ITPR1: variants seen among roughly 807,000 people sequenced by gnomAD.
ITPR1 encodes inositol 1,4,5-trisphosphate receptor type 1.
Under a neutral mutation model 318.4 loss-of-function variants are expected in ITPR1, and 96 were observed. The ratio of observed to expected loss-of-function variants is 0.30; its 90% CI spans 0.26 to 0.36. The LOEUF is 0.36. Among genes scored for constraint, ITPR1 ranks in the 10% least tolerant of loss-of-function variants. ITPR1 has a pLI of 1.00. For missense variants in ITPR1, 2,440 were observed against 3,460.2 expected (o/e 0.71, Z 7.40); for synonymous variants, 1,312 against 1,289.9 (o/e 1.02, Z -0.37).
intron 3 of ITPR1, among the ~76,000 whole-genome samples, chr3:4,519,771 C>T (rs1046585449): frequency 7.6e-6 from 1 of 132,054 alleles, no homozygotes; most frequent in Non-Finnish European, 1.7e-5. Context: ...GTACCATGGA[C>T]ACTTTGATTT....
intron 53 of ITPR1, among the ~76,000 whole-genome samples, chr3:4,796,709 G>A (rs931104254): frequency 2.6e-5 from 4 of 152,256 alleles, no homozygotes; most frequent in African/African-American, 9.6e-5. Context: ...CAAGCCTCCT[G>A]CAGTGCCTTT....
chr3:4,769,326 T>C (rs1404598823), intron 46 of ITPR1, among the ~76,000 whole-genome samples: 2 of 152,206 alleles, frequency 1.3e-5, no homozygotes, highest in Non-Finnish European at 2.9e-5. Context: ...CATATATATT[T>C]GTTAAGTGTC....
intron 4 of ITPR1, among the ~76,000 whole-genome samples, chr3:4,583,031 T>C (rs1291904145): frequency 6.6e-6 from 1 of 152,154 alleles, no homozygotes; most frequent in Non-Finnish European, 1.5e-5. Context: ...TCTCCAATAT[T>C]TATTTAAAAT....
At chr3:4,512,047 G>C (rs750992430) in intron 2 of ITPR1, among the ~76,000 whole-genome samples, 48 of 152,150 alleles carry the variant, frequency 3.2e-4, no homozygotes, top group Non-Finnish European at 5.9e-4. Flanking sequence ...GAATGCAGTG[G>C]TATGATCACA....
intron 4 of ITPR1, among the ~76,000 whole-genome samples, chr3:4,566,416 C>A (rs1303850715): frequency 5.3e-5 from 8 of 152,100 alleles, no homozygotes; most frequent in Admixed American, 4.6e-4. Flanking sequence ...TATGAGCAAA[C>A]CTCTATCTGT....
At chr3:4,690,510 A>G (rs903196560) in intron 31 of ITPR1, among the ~76,000 whole-genome samples, 5 of 152,230 alleles carry the variant, frequency 3.3e-5, no homozygotes, top group Non-Finnish European at 5.9e-5. Flanking sequence ...GCAACTTGTT[A>G]ACATCTTTTG....
intron 4 of ITPR1, among the ~76,000 whole-genome samples, chr3:4,569,697 G>A (rs1032560746): frequency 6.6e-6 from 1 of 152,176 alleles, no homozygotes; most frequent in African/African-American, 2.4e-5. Flanking sequence ...TTTTAGAGAT[G>A]TCTTTAAAAG....
intron 4 of ITPR1, among the ~76,000 whole-genome samples, chr3:4,526,224 C>T (rs774133749): frequency 3.9e-5 from 6 of 152,048 alleles, no homozygotes; most frequent in South Asian, 4.2e-4. Flanking sequence ...AAAAGCTGTT[C>T]GAAGGGAAAC....
chr3:4,728,068 C>T (rs1255189563), intron 42 of ITPR1, among the ~76,000 whole-genome samples: 1 of 152,182 alleles, frequency 6.6e-6, no homozygotes, highest in Non-Finnish European at 1.5e-5. Context: ...GCCTGAAGTT[C>T]CTCAAATTAA....
intron 40 of ITPR1, among the ~76,000 whole-genome samples, chr3:4,720,989 T>C (rs2042111136): frequency 6.6e-6 from 1 of 151,920 alleles, no homozygotes. Context: ...ACTGCTGATG[T>C]GTGACCTTCA....
chr3:4,609,412 T>C (rs1269384672), intron 4 of ITPR1, among the ~76,000 whole-genome samples: 2 of 152,084 alleles, frequency 1.3e-5, no homozygotes, highest in African/African-American at 4.8e-5. Context: ...ATTTAGGGTA[T>C]ATACACGACG....
chr3:4,699,866 T>C lies in ITPR1; in HGVS notation c.4461T>C (p.Tyr1487=), dbSNP rs375804162. The C allele has an allele frequency of 3.1e-6, 5 of 1,613,420 alleles. No homozygotes were observed. Among genetic ancestry groups the C allele is most frequent in the Non-Finnish European group, 4.2e-6 (5 of 1,179,492 alleles). ...RKHADSILEK[Y]VTEIVMSIVT... ...ATGCAGACTCGATTTTGGAGAAGTATGTCACCGAAATCGTCATGAGTATTG... is the reference window on the plus strand; with the variant it reads ...ATGCAGACTCGATTTTGGAGAAGTACGTCACCGAAATCGTCATGAGTATTG... Residue 1487 remains tyrosine, a synonymous_variant, in exon 35 of 62, where the codon TAT becomes TAC. Coordinates refer to ENST00000649015, the MANE Select transcript of ITPR1 (RefSeq NM_001378452.1).
chr3:4,754,060 G>GGGGGA (rs2044766297), intron 44 of ITPR1, among the ~76,000 whole-genome samples: 1 of 68,444 alleles, frequency 1.5e-5, no homozygotes, highest in Non-Finnish European at 3.8e-5. Flanking sequence ...GGGGGGGGGT[G>GGGGGA]GCAAGGATTA....
chr3:4,837,695 ACT>A (rs2051027456), intron 61 of ITPR1, among the ~76,000 whole-genome samples: 1 of 151,892 alleles, frequency 6.6e-6, no homozygotes, highest in African/African-American at 2.4e-5. Flanking sequence ...AACCGTGCGT[ACT>A]CTGTTTCTGC....
chr3:4,809,519 AT>A (rs938917355), intron 55 of ITPR1, among the ~76,000 whole-genome samples: 9 of 152,168 alleles, frequency 5.9e-5, no homozygotes, highest in Admixed American at 2.0e-4. Context: ...TATAAATTGC[AT>A]TTTTTAAGGC....
intron 52 of ITPR1, among the ~76,000 whole-genome samples, chr3:4,789,464 G>C (rs1308785378): frequency 6.6e-6 from 1 of 152,206 alleles, no homozygotes; most frequent in African/African-American, 2.4e-5. Context: ...TACTCCAAAA[G>C]GGAGACATAG....
At chr3:4,596,734 C>G (rs1252561498) in intron 4 of ITPR1, among the ~76,000 whole-genome samples, 1 of 152,182 alleles carries the variant, frequency 6.6e-6, no homozygotes, top group Non-Finnish European at 1.5e-5. Flanking sequence ...CTGGTCTTCC[C>G]ACAGTCACCT....
At chr3:4,542,244 A>T (rs896756165) in intron 4 of ITPR1, among the ~76,000 whole-genome samples, 7 of 151,970 alleles carry the variant, frequency 4.6e-5, no homozygotes, top group African/African-American at 1.7e-4. Context: ...TATTTTCTAC[A>T]TTGGCTGTTT....
At chr3:4,766,375 TAC>T (rs1488612135) in intron 44 of ITPR1, among the ~76,000 whole-genome samples, 153 bp from the exon 45 acceptor site, 2 of 152,222 alleles carry the variant, frequency 1.3e-5, no homozygotes, top group Non-Finnish European at 2.9e-5. Flanking sequence ...CCCAGAGAAC[TAC>T]AGTGTGTGGA....
Sources: allele counts gnomAD v4.1 joint callset (sites outside exome capture counted in the v4.1 genomes callset), GRCh38; gene constraint gnomAD v4.1.1; transcripts MANE v1.5; gene names NCBI Gene and HGNC (gene_info 2026-07-23, HGNC 2026-07-21).